Variants in EFTUD2 observed in about 807,000 individuals in gnomAD.
EFTUD2 encodes elongation factor Tu GTP binding domain containing 2, also known as 116 kDa U5 small nuclear ribonucleoprotein component.
EFTUD2 carries 9 observed loss-of-function variants against 114.3 expected under a neutral mutation model. That is an observed-to-expected ratio of 0.08 (90% CI 0.05 to 0.14). EFTUD2 has a LOEUF of 0.14. Ranked by LOEUF, EFTUD2 falls within the 10% of genes least tolerant of loss-of-function variation. The pLI is 1.00. For missense variants in EFTUD2, 765 were observed against 1,241.2 expected (o/e 0.62, Z 5.76); for synonymous variants, 449 against 462.3 (o/e 0.97, Z 0.37).
At chr17:44,897,200 A>C (rs1334462340) in intron 1 of EFTUD2, among the ~76,000 whole-genome samples, 1 of 141,544 alleles carries the variant, frequency 7.1e-6, no homozygotes, top group Non-Finnish European at 1.5e-5. Context: ...TGGGTGACAG[A>C]GAGAGACTCC....
chr17:44,863,655 A>T lies in EFTUD2; in HGVS notation c.1413T>A (p.Asp471Glu), dbSNP rs144538762. The change falls in exon 15 of 28, where the codon GAT becomes GAA. Residue 471 changes from aspartate to glutamate, a missense_variant and splice_region_variant. Coordinates refer to ENST00000426333, the MANE Select transcript of EFTUD2 (RefSeq NM_004247.4). ...GAACCGGGGAGCCACATGCCCTTAC[A>T]TCAGGGTCACAGTCACTCATAGCCT... is the stretch of plus-strand genomic sequence containing the variant. ...LGEAMSDCDP[D>E]GPLMCHTTKM... 6.2e-7 allele frequency: 1 copy of T among 1,613,114 alleles called. No homozygotes were observed. The highest frequency in any genetic ancestry group is 8.5e-7 in the Non-Finnish European group (1 of 1,179,434).
At chr17:44,883,758 T>C (rs753589949) in intron 4 of EFTUD2, 34 bp from the exon 5 acceptor site, 9 of 1,607,106 alleles carry the variant, frequency 5.6e-6, no homozygotes, top group Non-Finnish European at 7.7e-6. Flanking sequence ...AAAGAGAGAT[T>C]GGCAAACGTT....
chr17:44,882,355 G>A (rs530406573), intron 6 of EFTUD2, among the ~76,000 whole-genome samples: 2 of 152,268 alleles, frequency 1.3e-5, no homozygotes, highest in Admixed American at 6.5e-5. Flanking sequence ...AGGTTCAAGC[G>A]ATTCTCCTGC....
At chr17:44,884,767 G>C (rs1039493713) in intron 4 of EFTUD2, among the ~76,000 whole-genome samples, 13 of 150,572 alleles carry the variant, frequency 8.6e-5, no homozygotes, top group Admixed American at 8.6e-4. Flanking sequence ...TGTTCCTGTA[G>C]TTCCAGCTGC....
chr17:44,887,167 A>G (rs1368661812), intron 2 of EFTUD2, among the ~76,000 whole-genome samples: 1 of 152,232 alleles, frequency 6.6e-6, no homozygotes, highest in East Asian at 1.9e-4. Flanking sequence ...TTTGTGATAG[A>G]TAATAACAGG....
intron 11 of EFTUD2, among the ~76,000 whole-genome samples, chr17:44,869,954 G>A (rs1040914154): frequency 1.7e-4 from 26 of 152,314 alleles, no homozygotes; most frequent in East Asian, 5.8e-4. Flanking sequence ...TATTCCTAGC[G>A]AGAGCACATG....
Position 44,863,681 on chromosome 17 carries a change from C to G in EFTUD2, c.1387G>C (p.Glu463Gln). The G allele has an allele frequency of 1.2e-6, 2 of 1,614,106 alleles. No individual in the cohort carries two copies. Among genetic ancestry groups the G allele is most frequent in the Non-Finnish European group, 1.7e-6 (2 of 1,179,992 alleles). Residue 463 changes from glutamate (E) to glutamine (Q), a missense_variant, in exon 15 of 28, where the codon GAG (glutamate) becomes CAG (glutamine). By Grantham distance (29) the Glu-to-Gln change is conservative. Transcript: ENST00000426333. Reference sequence around the variant, plus strand: ...TCAGGGTCACAGTCACTCATAGCCTCGCCGAGGTCGGAGTCCACACCACCG... The same window carrying G: ...TCAGGGTCACAGTCACTCATAGCCTGGCCGAGGTCGGAGTCCACACCACCG... ...YTGGVDSDLGEAMSDCDPDGP... is the reference protein window; with the variant it reads ...YTGGVDSDLGQAMSDCDPDGP...
Position 44,850,500 on chromosome 17 carries a change from G to A in EFTUD2, c.*774C>T. 2.4e-6 allele frequency: 2 copies of A among 817,448 alleles called. No individual in the cohort carries two copies. The highest frequency in any genetic ancestry group is 4.1e-6 in the Non-Finnish European group (2 of 489,670). 50.6% of individuals were successfully genotyped at this position (817,448 alleles called of 1,614,324 possible). A position where few individuals can be genotyped will look rare whatever the true frequency, so the allele number is the denominator to read the frequency against. ...AATCAACAGACTCTTTTTCACTGGG[G>A]GAGAACAGAGTAAGGGACTGGTGGT... On this transcript the variant is annotated 3_prime_UTR_variant, in exon 28 of 28. Transcript: ENST00000426333.
chr17:44,872,068 T>C (rs1201414345), intron 11 of EFTUD2, among the ~76,000 whole-genome samples: 1 of 152,178 alleles, frequency 6.6e-6, no homozygotes, highest in Non-Finnish European at 1.5e-5. Context: ...ATGAAATTGA[T>C]GTCTGCCTCC....
intron 13 of EFTUD2, among the ~76,000 whole-genome samples, chr17:44,866,630 T>G (rs1222436685): frequency 6.6e-6 from 1 of 152,092 alleles, no homozygotes; most frequent in East Asian, 1.9e-4. Flanking sequence ...CCTCCCGCCT[T>G]GGCCTCCCAA....
At chr17:44,890,050 G>A (rs564727218) in intron 2 of EFTUD2, among the ~76,000 whole-genome samples, 17 of 151,790 alleles carry the variant, frequency 1.1e-4, no homozygotes, top group Non-Finnish European at 2.2e-4. Context: ...CTTGTTTGCC[G>A]GGGCTGGAGT....
intron 18 of EFTUD2, 76 bp from the exon 19 acceptor site, chr17:44,859,257 A>G: frequency 9.6e-7 from 1 of 1,043,780 alleles, no homozygotes; most frequent in African/African-American, 1.6e-5. Context: ...TCAAGGCCAG[A>G]GCAGACAAGA....
chr17:44,874,357 T>TACTTCTTATTAAA (rs1235324982), intron 10 of EFTUD2, among the ~76,000 whole-genome samples: 7 of 152,232 alleles, frequency 4.6e-5, no homozygotes, highest in Non-Finnish European at 1.0e-4. Flanking sequence ...CTTATTAAAA[T>TACTTCTTATTAAA]ATATTTGTCA....
At chr17:44,853,186 CAGAG>C in intron 25 of EFTUD2, 106 bp downstream of exon 25, 1 of 1,150,558 alleles carries the variant, frequency 8.7e-7, no homozygotes, top group Non-Finnish European at 1.2e-6. Flanking sequence ...TCGGGGTTTC[CAGAG>C]AGAGGAGGGT....
chr17:44,880,275 A>T (rs547272397), intron 8 of EFTUD2, among the ~76,000 whole-genome samples: 1 of 152,230 alleles, frequency 6.6e-6, no homozygotes, highest in Non-Finnish European at 1.5e-5. Context: ...CCCAGCAGAT[A>T]GCATGGGGCC....
At chr17:44,880,468 A>G (rs1434405958) in intron 8 of EFTUD2, 86 bp downstream of exon 8, 3 of 934,792 alleles carry the variant, frequency 3.2e-6, no homozygotes, top group East Asian at 5.0e-5. Context: ...ACAAAGATGC[A>G]CTGCTCCGTT....
In EFTUD2 at chr17:44,852,639, C is replaced by A; in HGVS notation, c.2562-77G>T. The A allele has an allele frequency of 2.0e-6, 3 of 1,516,178 alleles. No homozygotes were observed. The South Asian group carries it at 3.6e-5, about 18-fold the overall frequency. 93.9% of individuals were successfully genotyped at this position (1,516,178 alleles called of 1,614,324 possible). ...CAAGAAGCAATCCAGCATTTGCTGT[C>A]CCCCAAATGCATTCCAGCCCAGAGT... is the stretch of plus-strand genomic sequence containing the variant. On this transcript the variant is annotated intron_variant, in intron 25 of 27. Transcript: ENST00000426333.
In EFTUD2 at chr17:44,861,316, A is replaced by C. The variant is rs567504292; in HGVS notation, c.1608-773T>G. Among the ~76,000 whole-genome samples the C allele has an allele frequency of 5.9e-5, 9 of 151,944 alleles. No individual in the cohort carries two copies. The South Asian group carries it at 1.9e-3, about 32-fold the overall frequency. ...AAAAATTAGCCAGACATGGTGGTGC[A>C]CACCTATAACCCTGGCTACTTGGGA... On this transcript the variant is annotated intron_variant, in intron 16 of 27. Coordinates refer to ENST00000426333, the MANE Select transcript of EFTUD2 (RefSeq NM_004247.4).
At chr17:44,897,879 T>C (rs1007062109) in intron 1 of EFTUD2, among the ~76,000 whole-genome samples, 1 of 152,206 alleles carries the variant, frequency 6.6e-6, no homozygotes, top group African/African-American at 2.4e-5. Flanking sequence ...TTTACATTTT[T>C]AAATAATTGA....
Sources: gnomAD v4.1 joint callset for allele counts (sites outside exome capture counted in the v4.1 genomes callset) on GRCh38, gnomAD v4.1.1 for gene constraint, MANE v1.5 for transcripts, NCBI Gene and HGNC (gene_info 2026-07-23, HGNC 2026-07-21) for gene names.